TMEM132D: variants seen among roughly 807,000 people sequenced by gnomAD.
TMEM132D encodes mature OL transmembrane protein.
In TMEM132D, 21 loss-of-function variants were observed where a neutral mutation model predicts 62.3. The ratio of observed to expected loss-of-function variants is 0.34; its 90% CI spans 0.24 to 0.49. The LOEUF (loss-of-function observed/expected upper bound fraction) is 0.49. TMEM132D is among the 20% of genes least tolerant of loss of function. The probability of loss-of-function intolerance (pLI) is 0.99; values close to 1 mark genes in which losing one functional copy is unlikely to be tolerated. For synonymous variants in TMEM132D, 621 were observed against 575.6 expected, an observed-to-expected ratio of 1.08 and a Z score of -1.13; for missense variants, 1,346 against 1,402.8, an observed-to-expected ratio of 0.96 and a Z score of 0.65.
At chr12:129,449,628 C>T (rs1179202820) in intron 3 of TMEM132D, among the ~76,000 whole-genome samples, 1 of 152,182 alleles carries the variant, frequency 6.6e-6, no homozygotes, top group African/African-American at 2.4e-5. Flanking sequence ...CCAAATCATA[C>T]AACACCAGGA....
Position 129,712,663 on chromosome 12 carries a change from C to T in TMEM132D, c.80-11965G>A, listed in dbSNP as rs76819434. ...ACTTTTAAATTTCAATTAATTCAAG[C>T]TTGAATTTGAAGAGCCACATATGAC... is the stretch of plus-strand genomic sequence containing the variant. On this transcript the variant is annotated intron_variant, in intron 1 of 8. Coordinates refer to ENST00000422113, the MANE Select transcript of TMEM132D (RefSeq NM_133448.3). 1.3e-4 allele frequency among the ~76,000 whole-genome samples: 20 copies of T among 152,262 alleles called. No homozygotes were observed. The East Asian group carries it at 3.9e-3, about 29-fold the overall frequency.
intron 4 of TMEM132D, among the ~76,000 whole-genome samples, chr12:129,286,194 A>ATACTTTAG (rs1881292981): frequency 6.6e-6 from 1 of 152,222 alleles, no homozygotes; most frequent in African/African-American, 2.4e-5. Flanking sequence ...AGCCTGCCAC[A>ATACTTTAG]ATCTACTTTA....
At chr12:129,524,273 A>C (rs1306402881) in intron 3 of TMEM132D, among the ~76,000 whole-genome samples, 1 of 152,132 alleles carries the variant, frequency 6.6e-6, no homozygotes, top group South Asian at 2.1e-4. Flanking sequence ...AAAAAGAAAG[A>C]AACAGCCATG....
intron 2 of TMEM132D, among the ~76,000 whole-genome samples, chr12:129,582,544 T>C (rs2137127734): frequency 6.6e-6 from 1 of 152,334 alleles, no homozygotes; most frequent in Admixed American, 6.5e-5. Flanking sequence ...GTACATTAGC[T>C]TAGTACTTCC....
chr12:129,566,444 G>T (rs1877370491), intron 2 of TMEM132D, among the ~76,000 whole-genome samples: 2 of 152,146 alleles, frequency 1.3e-5, no homozygotes, highest in Middle Eastern at 3.4e-3. Flanking sequence ...AAAGAGGGGG[G>T]TCAGACGTGC....
At chr12:129,883,084 G>A (rs1874649949) in intron 1 of TMEM132D, among the ~76,000 whole-genome samples, 1 of 152,104 alleles carries the variant, frequency 6.6e-6, no homozygotes, top group South Asian at 2.1e-4. Context: ...CAGGCATAAA[G>A]ACTGAAAAGC....
At chr12:129,312,076 T>C (rs10847830) in intron 4 of TMEM132D, among the ~76,000 whole-genome samples, 4 of 151,786 alleles carry the variant, frequency 2.6e-5, no homozygotes, top group Non-Finnish European at 5.9e-5. Context: ...GGTAGTGGAG[T>C]GGGGTCGCAA....
At chr12:129,260,335 C>T (rs1880519402) in intron 4 of TMEM132D, among the ~76,000 whole-genome samples, 1 of 152,148 alleles carries the variant, frequency 6.6e-6, no homozygotes, top group South Asian at 2.1e-4. Context: ...CCTTCGGCAC[C>T]CTGGACAGCA....
chr12:129,750,344 C>G (rs1468197960), intron 1 of TMEM132D, among the ~76,000 whole-genome samples: 2 of 152,144 alleles, frequency 1.3e-5, no homozygotes, highest in African/African-American at 4.8e-5. Context: ...CTCGGCCTCC[C>G]AAAGTGCTGG....
intron 4 of TMEM132D, 77 bp downstream of exon 4, chr12:129,337,557 C>T (rs866817141): frequency 6.4e-7 from 1 of 1,567,780 alleles, no homozygotes; most frequent in Non-Finnish European, 8.7e-7. Context: ...CCCCACCCAG[C>T]CTGGGACTCA....
Position 129,903,764 on chromosome 12 carries a change from G to T in TMEM132D, c.-425C>A. 6.7e-6 allele frequency: 1 copy of T among 150,168 alleles called. No individual in the cohort carries two copies. The highest frequency in any genetic ancestry group is 2.1e-4 in the South Asian group (1 of 4,824). 9.3% of individuals were successfully genotyped at this position (150,168 alleles called of 1,614,324 possible). ...GCGGGCGCTGGCGCAGGCGGCGCCG[G>T]GGTGGCGGGGCTGCGGAGCCCGGGA... On this transcript the variant is annotated 5_prime_UTR_variant, in exon 1 of 9. Transcript: ENST00000422113. This position sits in a 1 kb window ranked among gnomAD's most constrained non-coding sequence, Gnocchi z 6.2.
intron 1 of TMEM132D, among the ~76,000 whole-genome samples, chr12:129,738,452 G>A (rs975870994): frequency 3.9e-5 from 6 of 152,204 alleles, no homozygotes; most frequent in African/African-American, 1.2e-4. Context: ...GGCTGGTTGT[G>A]TGAATGCAAC....
At chr12:129,759,226 G>A (rs1053556078) in intron 1 of TMEM132D, among the ~76,000 whole-genome samples, 1 of 152,230 alleles carries the variant, frequency 6.6e-6, no homozygotes, top group Admixed American at 6.5e-5. Context: ...GAGCCACCAC[G>A]CCGGGTCACG....
chr12:129,766,201 A>G (rs1413563933), intron 1 of TMEM132D, among the ~76,000 whole-genome samples: 2 of 151,944 alleles, frequency 1.3e-5, no homozygotes, highest in Admixed American at 6.6e-5. Flanking sequence ...CATGATGGAC[A>G]TGAAGCATGA....
intron 2 of TMEM132D, among the ~76,000 whole-genome samples, chr12:129,608,071 T>C (rs540346944): frequency 8.5e-5 from 13 of 152,146 alleles, no homozygotes; most frequent in Non-Finnish European, 1.5e-4. Flanking sequence ...GCAAGAAGAA[T>C]AGAATAATCA....
In TMEM132D at chr12:129,793,007, A is replaced by G. The variant is rs112954061; in HGVS notation, c.80-92309T>C. 1.0e-3 allele frequency among the ~76,000 whole-genome samples: 152 copies of G among 152,302 alleles called. 2 individuals carry two copies. The highest frequency in any genetic ancestry group is 2.2e-3 in the Admixed American group (33 of 15,306). On this transcript the variant is annotated intron_variant, in intron 1 of 8. Coordinates refer to ENST00000422113, the MANE Select transcript of TMEM132D (RefSeq NM_133448.3). ...GACGATATTATGTGCACACACATAC[A>G]TGCTGATGACTATACATGAGTATGT...
chr12:129,610,283 A>G (rs1348670523), intron 2 of TMEM132D, among the ~76,000 whole-genome samples: 1 of 151,964 alleles, frequency 6.6e-6, no homozygotes, highest in Non-Finnish European at 1.5e-5. Context: ...GTCTCAAAAA[A>G]AAAAAAAAAA....
chr12:129,360,878 C>T (rs1870226668), intron 3 of TMEM132D, among the ~76,000 whole-genome samples: 1 of 152,174 alleles, frequency 6.6e-6, no homozygotes, highest in Non-Finnish European at 1.5e-5. Context: ...GCTTGTTGAG[C>T]CTGTGTCGCG....
intron 4 of TMEM132D, among the ~76,000 whole-genome samples, chr12:129,323,561 T>C (rs139760188): frequency 1.6e-3 from 251 of 152,270 alleles, no homozygotes; most frequent in Non-Finnish European, 2.7e-3. Flanking sequence ...GAGCTTAAGA[T>C]TGTCAAAAAA....
Sources: allele counts gnomAD v4.1 joint callset (sites outside exome capture counted in the v4.1 genomes callset), GRCh38; gene constraint gnomAD v4.1.1; non-coding constraint Gnocchi (gnomAD v3.1); transcripts MANE v1.5; gene names NCBI Gene and HGNC (gene_info 2026-07-23, HGNC 2026-07-21).